Variants in VAV3 observed in about 807,000 individuals in gnomAD.
The protein encoded by VAV3 is vav guanine nucleotide exchange factor 3.
Under a neutral mutation model 131.2 loss-of-function variants are expected in VAV3, and 94 were observed. The ratio of observed to expected loss-of-function variants is 0.72; its 90% CI spans 0.61 to 0.85. The LOEUF (loss-of-function observed/expected upper bound fraction) is 0.85. VAV3 is among the 40% of genes least tolerant of loss of function. The pLI, the probability that VAV3 is intolerant of heterozygous loss-of-function variation, is 0.00. For synonymous variants in VAV3, 349 were observed against 342.0 expected (o/e 1.02, Z -0.22); for missense variants, 939 against 1,002.7 (o/e 0.94, Z 0.86).
chr1:107,581,415 T>C (rs921260255), intron 25 of VAV3, among the ~76,000 whole-genome samples: 6 of 152,194 alleles, frequency 3.9e-5, no homozygotes, highest in South Asian at 2.1e-4. Context: ...AAGTTTCCAA[T>C]TAGGAACTAT....
At chr1:107,915,550 G>A (rs1040797719) in intron 1 of VAV3, among the ~76,000 whole-genome samples, 8 of 151,966 alleles carry the variant, frequency 5.3e-5, no homozygotes, top group Admixed American at 5.2e-4. Context: ...ATCTATAGAG[G>A]GAAACAATAC....
intron 2 of VAV3, among the ~76,000 whole-genome samples, chr1:107,827,825 G>A (rs1668079920): frequency 1.3e-5 from 2 of 152,170 alleles, no homozygotes; most frequent in Admixed American, 6.6e-5. Context: ...CTTATGAGAA[G>A]TCAGAATCAA....
intron 2 of VAV3, among the ~76,000 whole-genome samples, chr1:107,809,392 G>A (rs1426844372): frequency 6.6e-6 from 1 of 152,168 alleles, no homozygotes; most frequent in Non-Finnish European, 1.5e-5. Flanking sequence ...GAGCATTACT[G>A]TATCAGCACC....
At chr1:107,813,811 A>T (rs896203914) in intron 2 of VAV3, among the ~76,000 whole-genome samples, 1 of 152,010 alleles carries the variant, frequency 6.6e-6, no homozygotes, top group Non-Finnish European at 1.5e-5. Context: ...CTCTACCTCC[A>T]TTAGATCAAC....
intron 4 of VAV3, among the ~76,000 whole-genome samples, chr1:107,775,577 CAAAAAAAAAAA>C (rs34775096): frequency 1.2e-4 from 7 of 56,448 alleles, no homozygotes; most frequent in Admixed American, 3.3e-4. Flanking sequence ...GACTCAGTCA[CAAAAAAAAAAA>C]AAAAAAAAAA....
intron 2 of VAV3, among the ~76,000 whole-genome samples, chr1:107,820,560 G>A (rs2102358263): frequency 6.6e-6 from 1 of 152,114 alleles, no homozygotes; most frequent in East Asian, 1.9e-4. Context: ...ACACAACAGA[G>A]TGATTACAGT....
chr1:107,746,967 C>T (rs1475730831), intron 15 of VAV3, among the ~76,000 whole-genome samples: 1 of 152,020 alleles, frequency 6.6e-6, no homozygotes, highest in Non-Finnish European at 1.5e-5. Flanking sequence ...GCAACCTCCG[C>T]CTCTCAGGTT....
intron 15 of VAV3, among the ~76,000 whole-genome samples, chr1:107,733,995 G>A (rs1421273434): frequency 1.3e-5 from 2 of 152,350 alleles, no homozygotes; most frequent in Admixed American, 1.3e-4. Context: ...AAGCCCATCA[G>A]ACTAACAGTG....
chr1:107,769,123 T>C (rs1664898782), intron 6 of VAV3, among the ~76,000 whole-genome samples: 1 of 152,176 alleles, frequency 6.6e-6, no homozygotes, highest in Non-Finnish European at 1.5e-5. Context: ...TTCATAGCAC[T>C]AATTTCAAGG....
intron 15 of VAV3, among the ~76,000 whole-genome samples, chr1:107,705,533 T>C (rs189561381): frequency 0.011 from 1,670 of 152,274 alleles, 6 homozygotes; most frequent in Non-Finnish European, 0.017. Flanking sequence ...TTATAGAAAG[T>C]TTTAAAATAA....
chr1:107,615,605 A>G (rs1382154273), intron 21 of VAV3, among the ~76,000 whole-genome samples: 1 of 152,218 alleles, frequency 6.6e-6, no homozygotes, highest in Non-Finnish European at 1.5e-5. Flanking sequence ...AATGGGACCT[A>G]ATTAAACTAA....
chr1:107,577,653 G>C lies in VAV3; in HGVS notation c.2351-3455C>G, dbSNP rs1195981919. ...TTTTGGCTCTTCATTCTATCCTGCTGTCTGGAATATGAAAGCTACTATCTT... is the reference window on the plus strand; with the variant it reads ...TTTTGGCTCTTCATTCTATCCTGCTCTCTGGAATATGAAAGCTACTATCTT... On this transcript the variant is annotated intron_variant, in intron 25 of 26. Coordinates refer to ENST00000370056, the MANE Select transcript of VAV3 (RefSeq NM_006113.5). 3.3e-5 allele frequency among the ~76,000 whole-genome samples: 5 copies of C among 152,226 alleles called. No individual in the cohort carries two copies. The East Asian group carries it at 7.7e-4, about 24-fold the overall frequency.
intron 19 of VAV3, among the ~76,000 whole-genome samples, chr1:107,680,444 G>T (rs557308684): frequency 6.6e-6 from 1 of 152,042 alleles, no homozygotes; most frequent in Non-Finnish European, 1.5e-5. Flanking sequence ...TAAAGAACAT[G>T]CTCTAATATA....
At chr1:107,609,823 C>T in intron 22 of VAV3, 108 bp downstream of exon 22, 1 of 1,154,558 alleles carries the variant, frequency 8.7e-7, no homozygotes, top group East Asian at 2.4e-5. Flanking sequence ...ACACCTTTAG[C>T]CGAGACAAAT....
At chr1:107,577,653 G>T (rs1195981919) in intron 25 of VAV3, among the ~76,000 whole-genome samples, 1 of 152,108 alleles carries the variant, frequency 6.6e-6, no homozygotes, top group Non-Finnish European at 1.5e-5. Flanking sequence ...CTATCCTGCT[G>T]TCTGGAATAT....
chr1:107,742,588 T>C (rs921098138), intron 15 of VAV3, among the ~76,000 whole-genome samples: 4 of 152,186 alleles, frequency 2.6e-5, no homozygotes, highest in African/African-American at 9.6e-5. Context: ...TCAGATGCCA[T>C]AGCTATCCCA....
intron 1 of VAV3, among the ~76,000 whole-genome samples, chr1:107,960,906 T>C (rs1252243963): frequency 1.3e-5 from 2 of 151,560 alleles, no homozygotes; most frequent in Non-Finnish European, 2.9e-5. Context: ...TAGCACATTA[T>C]AGATAAATAT....
Position 107,760,813 on chromosome 1 carries a change from G to A in VAV3, c.988C>T (p.Arg330Cys), listed in dbSNP as rs764254114. The change falls in exon 10 of 27, where the codon CGT becomes TGT. Residue 330 changes from arginine to cysteine, a missense_variant. Arg to Cys is a radical substitution (Grantham distance 180, BLOSUM62 -3). Transcript: ENST00000370056. ...AGGAGAAGGTGGTACTTTAAAACAC[G>A]TTGCATAGGAACCACAAGCAAGTCT... ...LRDLLVVPMQ[R>C]VLKYHLLLQE... The A allele has an allele frequency of 5.0e-6, 8 of 1,613,492 alleles. No homozygotes were observed. The highest frequency in any genetic ancestry group is 1.3e-5 in the African/African-American group (1 of 74,904).
chr1:107,848,676 C>A (rs1050278000), intron 2 of VAV3, among the ~76,000 whole-genome samples: 1 of 152,018 alleles, frequency 6.6e-6, no homozygotes, highest in Non-Finnish European at 1.5e-5. Flanking sequence ...GACAAGGATG[C>A]CCTCTCTCAC....
Sources: gnomAD v4.1 joint callset for allele counts (sites outside exome capture counted in the v4.1 genomes callset) on GRCh38, gnomAD v4.1.1 for gene constraint, MANE v1.5 for transcripts, NCBI Gene and HGNC (gene_info 2026-07-23, HGNC 2026-07-21) for gene names.